PYM1: variants seen among roughly 807,000 people sequenced by gnomAD.
PYM1 encodes the protein partner of Y14 and mago.
In PYM1, 7 loss-of-function variants were observed where a neutral mutation model predicts 20.7. The observed-to-expected ratio is 0.34, with a 90% CI of 0.19 to 0.64. PYM1 has a LOEUF of 0.64. Among genes scored for constraint, PYM1 ranks in the 30% least tolerant of loss-of-function variants. The probability of loss-of-function intolerance (pLI) is 0.74; values close to 1 mark genes in which losing one functional copy is unlikely to be tolerated. For synonymous variants in PYM1, 100 were observed against 99.2 expected (o/e 1.01, Z -0.05); for missense variants, 194 against 250.0 (o/e 0.78, Z 1.51).
At chr12:55,922,041 T>A (rs908594765) in intron 1 of PYM1, among the ~76,000 whole-genome samples, 8 of 151,204 alleles carry the variant, frequency 5.3e-5, no homozygotes, top group Non-Finnish European at 8.9e-5. Flanking sequence ...ACCCAGCTCG[T>A]TTTTTTTTTA....
At chr12:55,927,318 CA>C in intron 1 of PYM1, 1 of 791,058 alleles carries the variant, frequency 1.3e-6, no homozygotes, top group Non-Finnish European at 2.2e-6. Flanking sequence ...CCACCGATAC[CA>C]TTACTGAGCG....
intron 1 of PYM1, among the ~76,000 whole-genome samples, chr12:55,908,892 C>CA (rs970640892): frequency 6.6e-6 from 1 of 151,902 alleles, no homozygotes; most frequent in Non-Finnish European, 1.5e-5. Flanking sequence ...TTGTTAAAGG[C>CA]AATGGGTGAT....
chr12:55,922,039 C>CA (rs751171574), intron 1 of PYM1, among the ~76,000 whole-genome samples: 32 of 150,764 alleles, frequency 2.1e-4, no homozygotes, highest in East Asian at 1.2e-3. Flanking sequence ...TTACCCAGCT[C>CA]GTTTTTTTTT....
At chr12:55,913,669 A>C (rs1433412320) in intron 1 of PYM1, 44 of 152,250 alleles carry the variant, frequency 2.9e-4, no homozygotes, top group Admixed American at 2.9e-3. Context: ...TTCATTGTGA[A>C]GATTAAATCA....
At chr12:55,918,738 C>T (rs900091429) in intron 1 of PYM1, among the ~76,000 whole-genome samples, 2 of 152,004 alleles carry the variant, frequency 1.3e-5, no homozygotes, top group Admixed American at 6.6e-5. Context: ...CGTGGTGGCA[C>T]GTGCCTGTAG....
intron 1 of PYM1, among the ~76,000 whole-genome samples, chr12:55,912,147 G>A (rs575026116): frequency 5.3e-5 from 8 of 151,038 alleles, no homozygotes; most frequent in Admixed American, 6.6e-5. Flanking sequence ...TCAGGAATTC[G>A]AGACCAGCCC....
intron 1 of PYM1, among the ~76,000 whole-genome samples, chr12:55,913,154 C>T (rs1882953898): frequency 6.6e-6 from 1 of 152,180 alleles, no homozygotes; most frequent in Non-Finnish European, 1.5e-5. Context: ...TTCCTGACTT[C>T]CTTACGCCAA....
chr12:55,911,829 G>A (rs565892903), intron 1 of PYM1, among the ~76,000 whole-genome samples: 2 of 147,954 alleles, frequency 1.4e-5, no homozygotes, highest in Non-Finnish European at 1.5e-5. Context: ...TGACAAGAGC[G>A]AAACTCCATC....
chr12:55,907,444 C>T (rs1052218506), intron 1 of PYM1, among the ~76,000 whole-genome samples: 2 of 144,648 alleles, frequency 1.4e-5, no homozygotes, highest in Non-Finnish European at 3.0e-5. Flanking sequence ...ACATACAAAA[C>T]CCTGTCTCTA....
chr12:55,903,685 T>G (rs1882734592), intron 1 of PYM1, among the ~76,000 whole-genome samples: 1 of 151,990 alleles, frequency 6.6e-6, no homozygotes, highest in Middle Eastern at 3.2e-3. Flanking sequence ...AAACCATCCT[T>G]GCCCTCAAGA....
intron 1 of PYM1, among the ~76,000 whole-genome samples, chr12:55,923,324 G>A (rs181243190): frequency 7.6e-4 from 116 of 152,244 alleles, no homozygotes; most frequent in African/African-American, 2.4e-3. Flanking sequence ...CTAGCACTTT[G>A]GGAGGCCAGG....
At chr12:55,908,897 G>C (rs1159723798) in intron 1 of PYM1, among the ~76,000 whole-genome samples, 1 of 152,052 alleles carries the variant, frequency 6.6e-6, no homozygotes, top group Non-Finnish European at 1.5e-5. Context: ...AAAGGCAATG[G>C]GTGATTCGAC....
intron 1 of PYM1, among the ~76,000 whole-genome samples, chr12:55,917,010 G>C (rs1883019459): frequency 6.6e-6 from 1 of 151,968 alleles, no homozygotes; most frequent in South Asian, 2.1e-4. Context: ...GCTAAGCTGG[G>C]AGGATCACTT....
intron 1 of PYM1, among the ~76,000 whole-genome samples, chr12:55,922,952 G>A (rs1195794476): frequency 2.6e-5 from 4 of 152,156 alleles, no homozygotes; most frequent in African/African-American, 4.8e-5. Context: ...AAGGCTGGGC[G>A]CAGTGGCTCA....
chr12:55,901,810 C>A lies in PYM1; in HGVS notation c.*62G>T. 2.6e-6 allele frequency: 4 copies of A among 1,533,470 alleles called. No individual in the cohort carries two copies. In the South Asian group the frequency reaches 3.9e-5, roughly 15 times the overall value. 95.0% of individuals were successfully genotyped at this position (1,533,470 alleles called of 1,614,324 possible). ...CCTCCTGACTGCTGTTGCCCGTATT[C>A]CCCCAGACCCCAGAGAGCCCCACGG... On this transcript the variant is annotated 3_prime_UTR_variant, in exon 3 of 3. Transcript: ENST00000408946.
chr12:55,909,913 C>T (rs183213813), intron 1 of PYM1, among the ~76,000 whole-genome samples: 2 of 152,066 alleles, frequency 1.3e-5, no homozygotes, highest in African/African-American at 2.4e-5. Context: ...CAATAAATAG[C>T]GAAAGGTCAG....
At chr12:55,921,499 AT>A (rs1883096803) in intron 1 of PYM1, among the ~76,000 whole-genome samples, 1 of 152,130 alleles carries the variant, frequency 6.6e-6, no homozygotes, top group Non-Finnish European at 1.5e-5. Context: ...GATAATAAAA[AT>A]AATCATAAAA....
At chr12:55,925,464 G>A (rs540979296) in intron 1 of PYM1, among the ~76,000 whole-genome samples, 3 of 152,236 alleles carry the variant, frequency 2.0e-5, no homozygotes, top group African/African-American at 7.2e-5. Context: ...AAGGAAAGTC[G>A]ACCGTCTCAT....
Position 55,902,187 on chromosome 12 carries a change from C to T in PYM1, c.300G>A (p.Gln100=). The T allele has an allele frequency of 6.2e-7, 1 of 1,614,144 alleles. No homozygotes were observed. Among genetic ancestry groups the T allele is most frequent in the African/African-American group, 1.3e-5 (1 of 75,046 alleles). Residue 100 remains glutamine, a synonymous_variant, in exon 3 of 3, where the codon CAG becomes CAA. Coordinates refer to ENST00000408946, the MANE Select transcript of PYM1 (RefSeq NM_032345.3). ...NLKRKEKRRQ[Q]QEKGEAEALS... is the part of the protein sequence containing the mutation. ...AGGCCTCTGCCTCTCCTTTCTCTTG[C>T]TGCTGCCGCCTCTTCTCCTTTCGCT...
Sources: gnomAD v4.1 joint callset for allele counts (sites outside exome capture counted in the v4.1 genomes callset) on GRCh38, gnomAD v4.1.1 for gene constraint, MANE v1.5 for transcripts, NCBI Gene and HGNC (gene_info 2026-07-23, HGNC 2026-07-21) for gene names.